The following VRTN variants were observed in gnomAD, a reference collection of about 807,000 sequenced individuals.
The protein encoded by VRTN is vertnin.
VRTN carries 5 observed loss-of-function variants against 18.2 expected under a neutral mutation model. The ratio of observed to expected loss-of-function variants is 0.27; its 90% CI spans 0.14 to 0.58. The LOEUF (loss-of-function observed/expected upper bound fraction) is 0.58. Ranked by LOEUF, VRTN falls within the 20% of genes least tolerant of loss-of-function variation. The pLI is 0.91. For missense variants in VRTN, 741 were observed against 939.4 expected (o/e 0.79, Z 2.76); for synonymous variants, 381 against 393.7 (o/e 0.97, Z 0.38).
At chr14:74,309,313 T>C (rs533211183) in intron 1 of VRTN, among the ~76,000 whole-genome samples, 4 of 152,152 alleles carry the variant, frequency 2.6e-5, no homozygotes, top group Non-Finnish European at 5.9e-5. Context: ...CACTACTGTG[T>C]CCCCATTTTC....
intron 1 of VRTN, among the ~76,000 whole-genome samples, chr14:74,355,826 CCT>C (rs1219292257): frequency 2.0e-5 from 3 of 151,514 alleles, no homozygotes; most frequent in Non-Finnish European, 2.9e-5. Context: ...CTGCACCTGG[CCT>C]CTCTCTTTTT....
At position 74,329,563 on chromosome 14, in the gene VRTN, G is replaced by A. The variant is rs184561151; in HGVS notation, c.-163-8160G>A. 4.7e-3 allele frequency among the ~76,000 whole-genome samples: 720 copies of A among 151,816 alleles called. 2 individuals carry two copies. Among genetic ancestry groups the A allele is most frequent in the African/African-American group, 0.017 (685 of 41,418 alleles). Reference sequence around the variant, plus strand: ...GCTGGGATTCCAGGTGTGAGCCATAGTGCCTGGCCTGTGGAGGCATTTTTT... The same window carrying A: ...GCTGGGATTCCAGGTGTGAGCCATAATGCCTGGCCTGTGGAGGCATTTTTT... On this transcript the variant is annotated intron_variant, in intron 1 of 2. Coordinates refer to the VRTN transcript ENST00000557177.
exon 1 of VRTN, chr14:74,303,071 A>G (rs1317780848): frequency 1.5e-5 from 11 of 734,110 alleles, no homozygotes; most frequent in Non-Finnish European, 2.0e-5. Context: ...ACGTCTCTAA[A>G]AGTACCAGAG....
At chr14:74,356,646 C>T in intron 1 of VRTN, 137 bp from the exon 2 acceptor site, 2 of 1,244,324 alleles carry the variant, frequency 1.6e-6, no homozygotes, top group South Asian at 1.7e-5. Flanking sequence ...ATGAACCAAT[C>T]CCGTCTGTTG....
At chr14:74,327,178 G>A (rs72730121) in intron 1 of VRTN, among the ~76,000 whole-genome samples, 1,988 of 152,208 alleles carry the variant, frequency 0.013, 26 homozygotes, top group Non-Finnish European at 0.019. Context: ...TGGTAGGTGC[G>A]TCGCATCTGT....
Position 74,359,074 on chromosome 14 carries a change from A to G in VRTN, c.*182A>G. 8.2e-7 allele frequency: 1 copy of G among 1,217,170 alleles called. No homozygotes were observed. The highest frequency in any genetic ancestry group is 1.1e-6 in the Non-Finnish European group (1 of 924,922). 75.4% of individuals were successfully genotyped at this position (1,217,170 alleles called of 1,614,324 possible). ...GGACAGAGAATGCCAGAAATCAGCC[A>G]TCTGGTCTCCCGTAGGAAACTGTGG... On this transcript the variant is annotated 3_prime_UTR_variant, in exon 2 of 2. Transcript: ENST00000256362.
chr14:74,344,724 G>A (rs1442202337), upstream of VRTN, among the ~76,000 whole-genome samples: 1 of 19,460 alleles, frequency 5.1e-5, no homozygotes, highest in African/African-American at 5.6e-4. Context: ...AACAGATGGA[G>A]ACTCTGACTA....
chr14:74,331,476 C>T (rs2085522875), intron 1 of VRTN, among the ~76,000 whole-genome samples: 1 of 141,324 alleles, frequency 7.1e-6, no homozygotes, highest in Admixed American at 7.4e-5. Context: ...TTGCAGTGAG[C>T]CAAGATTGCA....
intron 1 of VRTN, among the ~76,000 whole-genome samples, chr14:74,317,663 G>T (rs1039829106): frequency 2.0e-5 from 3 of 152,124 alleles, no homozygotes; most frequent in Admixed American, 6.6e-5. Flanking sequence ...TTAGCTGGGT[G>T]TGGTGGCAGG....
intron 1 of VRTN, among the ~76,000 whole-genome samples, chr14:74,326,807 G>GA (rs1176399215): frequency 0.018 from 2 of 114 alleles, no homozygotes; most frequent in East Asian, 0.25. Context: ...TCATGGCCAC[G>GA]GCTCAGGCCC....
intron 1 of VRTN, among the ~76,000 whole-genome samples, chr14:74,354,527 C>T (rs2085710307): frequency 6.6e-6 from 1 of 151,992 alleles, no homozygotes; most frequent in Admixed American, 6.6e-5. Context: ...GCCTCAGCCT[C>T]CTGAGTAGCT....
At chr14:74,346,228 G>A (rs1408277042), upstream of VRTN, among the ~76,000 whole-genome samples, 6 of 151,946 alleles carry the variant, frequency 3.9e-5, no homozygotes, top group African/African-American at 9.7e-5. Flanking sequence ...ACTCGAGCTC[G>A]GAGTTTGAGG....
In VRTN at chr14:74,358,942, G is replaced by A; in HGVS notation, c.*50G>A. 1 of 1,557,740 alleles carries A rather than the reference G, an allele frequency of 6.4e-7. No individual in the cohort carries two copies. Among genetic ancestry groups the A allele is most frequent in the Non-Finnish European group, 8.7e-7 (1 of 1,151,882 alleles). On this transcript the variant is annotated 3_prime_UTR_variant, in exon 2 of 2. Transcript: ENST00000256362. The surrounding 1 kb of genome is among the most constrained non-coding windows in gnomAD (Gnocchi z 5.4). Reference sequence around the variant, plus strand: ...AAGAAGGGGGACCAGTTTGGAGAGGGTCAGGGACCTGAGCTGACCCCAGGC... The same window carrying A: ...AAGAAGGGGGACCAGTTTGGAGAGGATCAGGGACCTGAGCTGACCCCAGGC...
At chr14:74,341,505 T>C (rs2085605449) in intron 2 of VRTN, among the ~76,000 whole-genome samples, 1 of 152,234 alleles carries the variant, frequency 6.6e-6, no homozygotes, top group African/African-American at 2.4e-5. Context: ...TTAAAGCTTT[T>C]CTATTGCATG....
At chr14:74,313,948 A>C (rs1356006583) in intron 1 of VRTN, among the ~76,000 whole-genome samples, 1 of 152,182 alleles carries the variant, frequency 6.6e-6, no homozygotes, top group Non-Finnish European at 1.5e-5. Context: ...ACAAAAAACG[A>C]AAAACAGCTG....
intron 1 of VRTN, among the ~76,000 whole-genome samples, chr14:74,319,486 G>T (rs545740279): frequency 6.6e-6 from 1 of 152,194 alleles, no homozygotes; most frequent in Non-Finnish European, 1.5e-5. Context: ...CAAAGACCCC[G>T]CTTCAAGTGC....
intron 2 of VRTN, among the ~76,000 whole-genome samples, chr14:74,340,941 A>G (rs1264243092): frequency 6.6e-6 from 1 of 151,660 alleles, no homozygotes; most frequent in Non-Finnish European, 1.5e-5. Context: ...ACGGGGTTTC[A>G]CCATGTTGGC....
chr14:74,359,037 T>C lies in VRTN; in HGVS notation c.*145T>C. 1 of 1,391,546 alleles carries C rather than the reference T, an allele frequency of 7.2e-7. No individual in the cohort carries two copies. Among genetic ancestry groups the C allele is most frequent in the South Asian group, 2.0e-5 (1 of 51,272 alleles). The allele number at this position is 1,391,546 out of a possible 1,614,324, so 86.2% of individuals were successfully genotyped here. ...AAGTCCAAGGGTATATTTGTGTTAT[T>C]TTCTGGCTCCAGGACAGAGAATGCC... On this transcript the variant is annotated 3_prime_UTR_variant, in exon 2 of 2. Transcript: ENST00000256362.
chr14:74,308,084 TTTTTA>T (rs2085366030), intron 1 of VRTN, among the ~76,000 whole-genome samples: 1 of 152,158 alleles, frequency 6.6e-6, no homozygotes, highest in South Asian at 2.1e-4. Context: ...CGATGTTTTC[TTTTTA>T]TTTTATTTTT....
Sources: gnomAD v4.1 joint callset for allele counts (sites outside exome capture counted in the v4.1 genomes callset) on GRCh38, gnomAD v4.1.1 for gene constraint, Gnocchi (gnomAD v3.1) non-coding constraint, MANE v1.5 for transcripts, NCBI Gene and HGNC (gene_info 2026-07-23, HGNC 2026-07-21) for gene names.